The following GRIK2 variants were observed in gnomAD, a reference collection of about 807,000 sequenced individuals.
GRIK2 encodes the protein glutamate receptor ionotropic, kainate 2.
A neutral mutation model predicts 100.3 loss-of-function variants in GRIK2; 32 were observed. The ratio of observed to expected loss-of-function variants is 0.32; its 90% CI spans 0.24 to 0.43. GRIK2 has a LOEUF of 0.43. GRIK2 is among the 20% of genes least tolerant of loss of function. GRIK2 has a pLI of 1.00. For missense variants in GRIK2, 843 were observed against 1,114.9 expected, an observed-to-expected ratio of 0.76 and a Z score of 3.47; for synonymous variants, 417 against 389.4, an observed-to-expected ratio of 1.07 and a Z score of -0.83.
rs9485562 is a variant in GRIK2 at position 101,927,261 on chromosome 6, A to G, written c.1868-1154A>G. ...CACTTATTTTTCAAGCTTCACATGA[A>G]TAATTTGTTTTATTTTTTATTCCAT... On this transcript the variant is annotated intron_variant, in intron 13 of 16. Transcript: ENST00000369134. The G allele has an allele frequency of 4.1e-3, 1,482 of 361,126 alleles. 22 individuals carry two copies. Among genetic ancestry groups the G allele is most frequent in the African/African-American group, 0.031 (1,391 of 45,542 alleles). 22.4% of individuals were successfully genotyped at this position (361,126 alleles called of 1,614,324 possible).
At chr6:101,873,696 G>C (rs1184195271) in intron 11 of GRIK2, among the ~76,000 whole-genome samples, 2 of 151,928 alleles carry the variant, frequency 1.3e-5, no homozygotes, top group East Asian at 1.9e-4. Context: ...GGTTGAACTA[G>C]TTTACAGTCC....
At chr6:101,682,725 T>G in intron 6 of GRIK2, 119 bp downstream of exon 6, 1 of 518,294 alleles carries the variant, frequency 1.9e-6, no homozygotes, top group South Asian at 3.3e-5. Flanking sequence ...TATTTTAATT[T>G]GATAAGACTC....
chr6:101,928,119 C>T lies in GRIK2; in HGVS notation c.1868-296C>T, dbSNP rs145333775. 6.7e-4 allele frequency: 215 copies of T among 319,424 alleles called. 2 individuals are homozygous for T. The East Asian group carries it at 0.012, about 17-fold the overall frequency. The allele number at this position is 319,424 out of a possible 1,614,324, so 19.8% of individuals were successfully genotyped here. On this transcript the variant is annotated intron_variant, in intron 13 of 16. Coordinates refer to ENST00000369134, the MANE Select transcript of GRIK2 (RefSeq NM_021956.5). ...AAAGCCTAAAAAATCTCTTCTAATGCTATTTTTATTAAAAATGTTTACTCA... is the reference window on the plus strand; with the variant it reads ...AAAGCCTAAAAAATCTCTTCTAATGTTATTTTTATTAAAAATGTTTACTCA...
At chr6:101,544,549 G>A (rs576734514) in intron 2 of GRIK2, among the ~76,000 whole-genome samples, 32 of 152,206 alleles carry the variant, frequency 2.1e-4, no homozygotes, top group African/African-American at 6.3e-4. Flanking sequence ...CCACTGAAGC[G>A]CTTCACTTCA....
At chr6:101,859,184 C>A in intron 10 of GRIK2, 103 bp from the exon 11 acceptor site, 1 of 614,922 alleles carries the variant, frequency 1.6e-6, no homozygotes, top group Non-Finnish European at 2.9e-6. Context: ...GACTGTTGTC[C>A]TAAATTAATG....
In GRIK2 at chr6:101,551,946, A is replaced by G. The variant is rs78860587; in HGVS notation, c.116-70003A>G. Among the ~76,000 whole-genome samples, 1,039 of 152,338 alleles carry G rather than the reference A, an allele frequency of 6.8e-3. 16 individuals carry two copies. The highest frequency in any genetic ancestry group is 0.024 in the African/African-American group (992 of 41,578). ...TTAGTGTAAAGCTTCTGCACCAAGC[A>G]TAGTGCTGACCTAAGGCAGTAAGGT... is the stretch of plus-strand genomic sequence containing the variant. On this transcript the variant is annotated intron_variant, in intron 2 of 16. Coordinates refer to ENST00000369134, the MANE Select transcript of GRIK2 (RefSeq NM_021956.5).
chr6:101,881,554 A>C (rs987424242), intron 11 of GRIK2, among the ~76,000 whole-genome samples: 4 of 151,988 alleles, frequency 2.6e-5, no homozygotes. Context: ...GTCTTTTAGG[A>C]ATTATCACTG....
At chr6:101,505,005 G>A (rs1773948568) in intron 2 of GRIK2, among the ~76,000 whole-genome samples, 1 of 151,390 alleles carries the variant, frequency 6.6e-6, no homozygotes, top group South Asian at 2.1e-4. Flanking sequence ...TTGTTTTCAG[G>A]GAACAAGTTC....
intron 7 of GRIK2, among the ~76,000 whole-genome samples, chr6:101,776,698 A>G (rs749073575): frequency 6.6e-6 from 1 of 152,210 alleles, no homozygotes; most frequent in Non-Finnish European, 1.5e-5. Context: ...CTTGAATTCT[A>G]AATTTGTCAG....
intron 2 of GRIK2, among the ~76,000 whole-genome samples, chr6:101,527,126 T>A (rs1044315517): frequency 3.4e-4 from 52 of 152,178 alleles, no homozygotes; most frequent in African/African-American, 1.2e-3. Context: ...TGCAGGGAGA[T>A]CTGAGTCTCA....
intron 11 of GRIK2, among the ~76,000 whole-genome samples, chr6:101,868,454 G>A (rs140306315): frequency 1.7e-4 from 25 of 151,474 alleles, no homozygotes; most frequent in African/African-American, 4.6e-4. Flanking sequence ...GCAGTGGGCC[G>A]AAAAATTTGT....
intron 14 of GRIK2, among the ~76,000 whole-genome samples, chr6:101,990,871 A>G (rs1159264001): frequency 6.6e-6 from 1 of 151,866 alleles, no homozygotes; most frequent in African/African-American, 2.4e-5. Context: ...ACTATGTCAT[A>G]AAAAGGAACA....
At chr6:102,063,655 GAATA>G (rs1771863762) in intron 16 of GRIK2, among the ~76,000 whole-genome samples, 1 of 149,740 alleles carries the variant, frequency 6.7e-6, no homozygotes, top group Non-Finnish European at 1.5e-5. Flanking sequence ...AAGCTTTTAA[GAATA>G]AATATTCTGT....
intron 2 of GRIK2, among the ~76,000 whole-genome samples, chr6:101,549,658 A>G (rs1260616212): frequency 6.6e-6 from 1 of 152,172 alleles, no homozygotes; most frequent in African/African-American, 2.4e-5. Flanking sequence ...TGTATGAATC[A>G]GCCATCAAAA....
At chr6:101,446,141 A>G (rs2128247543) in intron 2 of GRIK2, among the ~76,000 whole-genome samples, 1 of 152,046 alleles carries the variant, frequency 6.6e-6, no homozygotes, top group Middle Eastern at 3.4e-3. Context: ...TTTATTTTTA[A>G]TAATCCTGAC....
rs370490107 is a variant in GRIK2 at position 101,693,362 on chromosome 6, A to G, written c.951+7009A>G. Among the ~76,000 whole-genome samples the G allele has an allele frequency of 2.3e-4, 35 of 152,146 alleles. 1 individual carries two copies. The South Asian group carries it at 6.7e-3, about 29-fold the overall frequency. On this transcript the variant is annotated intron_variant, in intron 7 of 16. Coordinates refer to ENST00000369134, the MANE Select transcript of GRIK2 (RefSeq NM_021956.5). ...ATTGATATAATATTATGTGACACCA[A>G]CTTATAAAGGATAAATACATTTCTG...
In GRIK2 at chr6:101,799,648, A is replaced by T; in HGVS notation, c.952A>T (p.Thr318Ser). The T allele has an allele frequency of 6.2e-7, 1 of 1,612,340 alleles. No homozygotes were observed. Among genetic ancestry groups the T allele is most frequent in the Non-Finnish European group, 8.5e-7 (1 of 1,178,500 alleles). The change falls in exon 8 of 17, where the codon ACT becomes TCT. Residue 318 changes from threonine to serine, a missense_variant and splice_region_variant. Transcript: ENST00000369134. ...AATTTCCCTTTCCCTTGCTTTTCAG[A>T]CTGATGCTGCTCTAATGTATGATGC... ...DSGLLDGFMT[T>S]DAALMYDAVH...
In GRIK2 at chr6:102,069,660, T is replaced by G. The variant is rs1325101057; in HGVS notation, c.*1149T>G. ...TTTTCAAAAAATGTTCAGGTTTATT[T>G]GTGGAAATGCAAGATTTCTATGAAA... On this transcript the variant is annotated 3_prime_UTR_variant, in exon 17 of 17. Coordinates refer to ENST00000369134, the MANE Select transcript of GRIK2 (RefSeq NM_021956.5). The G allele has an allele frequency of 2.6e-5, 4 of 151,998 alleles. No individual in the cohort carries two copies. The allele number at this position is 151,998 out of a possible 1,614,324, so 9.4% of individuals were successfully genotyped here.
chr6:101,577,855 C>T (rs944281811), intron 2 of GRIK2, among the ~76,000 whole-genome samples: 3 of 152,066 alleles, frequency 2.0e-5, no homozygotes, highest in Admixed American at 6.6e-5. Context: ...AGGAAAGATG[C>T]CATTAATCTA....
Sources: allele counts gnomAD v4.1 joint callset (sites outside exome capture counted in the v4.1 genomes callset), GRCh38; gene constraint gnomAD v4.1.1; transcripts MANE v1.5; gene names NCBI Gene and HGNC (gene_info 2026-07-23, HGNC 2026-07-21).